The following VDR variants were observed in gnomAD, a reference collection of about 807,000 sequenced individuals.
VDR encodes the protein vitamin D3 receptor.
In VDR, 19 loss-of-function variants were observed where a neutral mutation model predicts 39.7. That is an observed-to-expected ratio of 0.48 (90% CI 0.33 to 0.70). VDR has a LOEUF of 0.70. Ranked by LOEUF, VDR falls within the 30% of genes least tolerant of loss-of-function variation. The pLI is 0.02. For synonymous variants in VDR, 242 were observed against 215.8 expected (o/e 1.12, Z -1.07); for missense variants, 442 against 570.5 (o/e 0.77, Z 2.29).
intron 8 of VDR, 59 bp downstream of exon 8, chr12:47,846,598 G>A (rs971570625): frequency 6.2e-7 from 1 of 1,609,418 alleles, no homozygotes; most frequent in Non-Finnish European, 8.5e-7. Flanking sequence ...CCCCAGGACG[G>A]GTGGAGCCAG....
At chr12:47,890,176 T>C (rs1946341213) in intron 1 of VDR, among the ~76,000 whole-genome samples, 1 of 151,678 alleles carries the variant, frequency 6.6e-6, no homozygotes, top group Non-Finnish European at 1.5e-5. Flanking sequence ...GGGGAGGGAT[T>C]CTAAAACACA....
At chr12:47,873,562 C>T (rs886157474) in intron 3 of VDR, among the ~76,000 whole-genome samples, 12 of 150,874 alleles carry the variant, frequency 8.0e-5, no homozygotes, top group Non-Finnish European at 1.5e-4. Flanking sequence ...GGGGTTTCAC[C>T]GTGTTAGCCA....
intron 1 of VDR, among the ~76,000 whole-genome samples, chr12:47,894,209 G>A (rs1337734479): frequency 6.6e-6 from 1 of 152,198 alleles, no homozygotes; most frequent in African/African-American, 2.4e-5. Context: ...GTCCCTAGAG[G>A]AGCAACTTCT....
In VDR at chr12:47,844,869, T is replaced by C; in HGVS notation, c.1161A>G (p.Leu387=). ...CCTCATTGAGGCTGCGCAGGTCGGC[T>C]AGCTTCTGGATCATCTTGGCATAGA... ...HLLYAKMIQK[L]ADLRSLNEEH... Residue 387 remains leucine, a synonymous_variant, in exon 10 of 10, where the codon CTA becomes CTG. Coordinates refer to ENST00000549336, the MANE Select transcript of VDR (RefSeq NM_000376.3). The C allele has an allele frequency of 6.2e-7, 1 of 1,614,136 alleles. No homozygotes were observed. The highest frequency in any genetic ancestry group is 8.5e-7 in the Non-Finnish European group (1 of 1,180,000).
At chr12:47,884,405 C>T (rs1297007336) in intron 1 of VDR, among the ~76,000 whole-genome samples, 2 of 152,182 alleles carry the variant, frequency 1.3e-5, no homozygotes, top group African/African-American at 4.8e-5. Flanking sequence ...TACCCAGGGT[C>T]CCACAGCTAG....
At position 47,844,578 on chromosome 12, in the gene VDR, G is replaced by T; in HGVS notation, c.*168C>A. 1 of 896,818 alleles carries T rather than the reference G, an allele frequency of 1.1e-6. No homozygotes were observed. Among genetic ancestry groups the T allele is most frequent in the East Asian group, 2.6e-5 (1 of 38,348 alleles). 55.6% of individuals were successfully genotyped at this position (896,818 alleles called of 1,614,324 possible). ...CCGGGGAAAAGCCCGCAGGAAAGGG[G>T]TTAGGTTGGACAGGAGAGAGAATGG... On this transcript the variant is annotated 3_prime_UTR_variant, in exon 10 of 10. Transcript: ENST00000549336.
chr12:47,887,461 A>G (rs1220644402), intron 1 of VDR, among the ~76,000 whole-genome samples: 1 of 149,796 alleles, frequency 6.7e-6, no homozygotes, highest in Non-Finnish European at 1.5e-5. Context: ...AATTATAAAA[A>G]TAGAACACTC....
chr12:47,856,079 A>C (rs1236994277), intron 6 of VDR, among the ~76,000 whole-genome samples: 1 of 152,246 alleles, frequency 6.6e-6, no homozygotes, highest in Non-Finnish European at 1.5e-5. Flanking sequence ...TCAATCAAGA[A>C]AGAATTTGGG....
chr12:47,861,553 A>G (rs950846749), intron 4 of VDR, among the ~76,000 whole-genome samples: 4 of 152,214 alleles, frequency 2.6e-5, no homozygotes, highest in Non-Finnish European at 5.9e-5. Context: ...TCATTTTTTC[A>G]ATGGATTGAA....
intron 3 of VDR, among the ~76,000 whole-genome samples, chr12:47,874,713 C>A (rs1945965342): frequency 6.6e-6 from 1 of 152,220 alleles, no homozygotes; most frequent in Admixed American, 6.5e-5. Context: ...AGGATCAGCT[C>A]TTAAACCTCA....
At chr12:47,872,280 A>G (rs887101838) in intron 3 of VDR, among the ~76,000 whole-genome samples, 1 of 152,256 alleles carries the variant, frequency 6.6e-6, no homozygotes, top group Non-Finnish European at 1.5e-5. Context: ...AGAGGGTTGT[A>G]AGAACTAAAT....
At chr12:47,868,669 A>G (rs377013454) in intron 3 of VDR, among the ~76,000 whole-genome samples, 25 of 152,230 alleles carry the variant, frequency 1.6e-4, no homozygotes, top group African/African-American at 5.3e-4. Flanking sequence ...TTGAGGCTTC[A>G]TCCGTCACCA....
intron 1 of VDR, among the ~76,000 whole-genome samples, chr12:47,883,280 G>A (rs1160529218): frequency 1.3e-5 from 2 of 152,216 alleles, no homozygotes; most frequent in Non-Finnish European, 2.9e-5. Context: ...GAATGGGGCA[G>A]GCTTGGATGG....
chr12:47,857,398 C>T, intron 5 of VDR, 106 bp downstream of exon 5: 1 of 1,603,166 alleles, frequency 6.2e-7, no homozygotes, highest in African/African-American at 1.3e-5. Flanking sequence ...GTCCCTACCC[C>T]AGTTCTGTTC....
chr12:47,853,397 C>T (rs1319438506), intron 7 of VDR, among the ~76,000 whole-genome samples: 3 of 147,840 alleles, frequency 2.0e-5, no homozygotes, highest in Non-Finnish European at 4.4e-5. Context: ...GAGCCGAGAT[C>T]ATGCCACTGC....
At chr12:47,871,835 T>G (rs1945887706) in intron 3 of VDR, among the ~76,000 whole-genome samples, 1 of 152,218 alleles carries the variant, frequency 6.6e-6, no homozygotes, top group African/African-American at 2.4e-5. Flanking sequence ...AGAGGAAGAA[T>G]GCTGAAATGG....
intron 7 of VDR, among the ~76,000 whole-genome samples, chr12:47,855,419 T>C (rs1489072551): frequency 2.0e-5 from 3 of 150,908 alleles, no homozygotes; most frequent in Non-Finnish European, 3.0e-5. Flanking sequence ...ACTTGGGAGG[T>C]TGAGGCAGGA....
At chr12:47,873,871 C>T (rs1251892590) in intron 3 of VDR, among the ~76,000 whole-genome samples, 1 of 152,146 alleles carries the variant, frequency 6.6e-6, no homozygotes, top group African/African-American at 2.4e-5. Flanking sequence ...GGACAAATCC[C>T]TCTAGGGATT....
At chr12:47,878,880 T>C in intron 3 of VDR, 88 bp downstream of exon 3, 1 of 1,601,254 alleles carries the variant, frequency 6.2e-7, no homozygotes, top group Non-Finnish European at 8.5e-7. Context: ...AGGAAGGAGA[T>C]GTGAAAAATG....
Sources: allele counts gnomAD v4.1 joint callset (sites outside exome capture counted in the v4.1 genomes callset), GRCh38; gene constraint gnomAD v4.1.1; transcripts MANE v1.5; gene names NCBI Gene and HGNC (gene_info 2026-07-23, HGNC 2026-07-21).